The following ZNHIT6 variants were observed in gnomAD, a reference collection of about 807,000 sequenced individuals.
ZNHIT6 encodes box C/D snoRNA protein 1.
ZNHIT6 carries 45 observed loss-of-function variants against 57.2 expected under a neutral mutation model. The observed-to-expected ratio is 0.79, with a 90% CI of 0.62 to 1.01. The LOEUF (loss-of-function observed/expected upper bound fraction) is 1.01. Among genes scored for constraint, ZNHIT6 ranks in the 50% least tolerant of loss-of-function variants. ZNHIT6 has a pLI of 0.00. For missense variants in ZNHIT6, 528 were observed against 567.3 expected (o/e 0.93, Z 0.70); for synonymous variants, 188 against 190.0 (o/e 0.99, Z 0.09).
chr1:85,677,450 T>C, intron 7 of ZNHIT6, 137 bp from the exon 8 acceptor site: 1 of 588,634 alleles, frequency 1.7e-6, no homozygotes, highest in Non-Finnish European at 2.7e-6. Context: ...ATAAAGATGT[T>C]TTCTAACCAG....
intron 4 of ZNHIT6, among the ~76,000 whole-genome samples, chr1:85,704,743 CAAT>C (rs1364573315): frequency 2.0e-5 from 3 of 151,838 alleles, no homozygotes; most frequent in Non-Finnish European, 4.4e-5. Context: ...ATGTCTGTAC[CAAT>C]AATACCAATA....
intron 5 of ZNHIT6, among the ~76,000 whole-genome samples, chr1:85,701,700 A>G (rs1662533246): frequency 6.6e-6 from 1 of 152,156 alleles, no homozygotes; most frequent in Non-Finnish European, 1.5e-5. Flanking sequence ...CCCCTGAAAT[A>G]CTTTCTTGGT....
At chr1:85,674,329 CCTG>C (rs1409773843) in intron 8 of ZNHIT6, among the ~76,000 whole-genome samples, 3 of 151,552 alleles carry the variant, frequency 2.0e-5, no homozygotes, top group Non-Finnish European at 4.4e-5. Flanking sequence ...GAGACGAGGT[CCTG>C]CTATGTTTCT....
In ZNHIT6 at chr1:85,678,772, A is replaced by C; in HGVS notation, c.1098T>G (p.Asp366Glu). The C allele has an allele frequency of 6.4e-7, 1 of 1,552,378 alleles. No individual in the cohort carries two copies. The highest frequency in any genetic ancestry group is 8.8e-7 in the Non-Finnish European group (1 of 1,139,030). ...QAEYIEKRVP[D>E]DKTINEILKP... ...TTAGGATTTCATTAATAGTTTTATC[A>C]TCTGGTACTCTTTACAACAAAGAAA... Residue 366 changes from aspartate (D) to glutamate (E), a missense_variant, in exon 7 of 10, where the codon GAT (aspartate) becomes GAG (glutamate). Asp to Glu is a conservative substitution (Grantham distance 45, BLOSUM62 2). Transcript: ENST00000370574.
At chr1:85,684,553 A>T (rs79358315) in intron 5 of ZNHIT6, among the ~76,000 whole-genome samples, 4 of 151,484 alleles carry the variant, frequency 2.6e-5, no homozygotes, top group East Asian at 3.9e-4. Context: ...AGGCAATAAT[A>T]AAAAAAAAGT....
At chr1:85,677,566 T>A (rs751574385) in intron 7 of ZNHIT6, among the ~76,000 whole-genome samples, 2 of 152,236 alleles carry the variant, frequency 1.3e-5, no homozygotes, top group Non-Finnish European at 2.9e-5. Context: ...TACAAAAATG[T>A]ATCCTATTCA....
intron 8 of ZNHIT6, among the ~76,000 whole-genome samples, chr1:85,665,965 C>G (rs144809176): frequency 2.3e-3 from 351 of 152,280 alleles, no homozygotes; most frequent in African/African-American, 6.9e-3. Context: ...CTCAGGGTCT[C>G]TCAAGAAAAT....
intron 5 of ZNHIT6, among the ~76,000 whole-genome samples, chr1:85,696,703 C>T (rs1044946221): frequency 1.3e-5 from 2 of 151,938 alleles, no homozygotes; most frequent in Non-Finnish European, 2.9e-5. Context: ...ACCAAATTGC[C>T]TTCTAAAAAT....
At chr1:85,671,587 T>C (rs1455199132) in intron 8 of ZNHIT6, among the ~76,000 whole-genome samples, 1 of 152,240 alleles carries the variant, frequency 6.6e-6, no homozygotes, top group African/African-American at 2.4e-5. Context: ...CTTACGTTCA[T>C]TGAATCATTT....
At chr1:85,681,281 C>CT (rs1267709289) in intron 5 of ZNHIT6, among the ~76,000 whole-genome samples, 12 of 152,182 alleles carry the variant, frequency 7.9e-5, no homozygotes. Context: ...GTCCAGCTGG[C>CT]TGGAGATACA....
Position 85,653,912 on chromosome 1 carries a change from T to G in ZNHIT6, c.*146A>C, listed in dbSNP as rs1184206949. The G allele has an allele frequency of 1.6e-6, 1 of 637,638 alleles. No individual in the cohort carries two copies. The highest frequency in any genetic ancestry group is 2.7e-6 in the Non-Finnish European group (1 of 368,062). 39.5% of individuals were successfully genotyped at this position (637,638 alleles called of 1,614,324 possible). ...TTAATTCAAGAGGTTATAAAATACATTTTTTAAAAGAGTTAAGCTTATTTT... is the reference window on the plus strand; with the variant it reads ...TTAATTCAAGAGGTTATAAAATACAGTTTTTAAAAGAGTTAAGCTTATTTT... On this transcript the variant is annotated 3_prime_UTR_variant, in exon 10 of 10. Coordinates refer to ENST00000370574, the MANE Select transcript of ZNHIT6 (RefSeq NM_017953.4).
chr1:85,689,520 T>C (rs1662155332), intron 5 of ZNHIT6, among the ~76,000 whole-genome samples: 1 of 152,224 alleles, frequency 6.6e-6, no homozygotes, highest in Non-Finnish European at 1.5e-5. Context: ...AATAGTTATA[T>C]ATTTTTGTCC....
chr1:85,654,459 T>G (rs1216130147), intron 9 of ZNHIT6, among the ~76,000 whole-genome samples: 1 of 152,142 alleles, frequency 6.6e-6, no homozygotes, highest in East Asian at 1.9e-4. Flanking sequence ...TTTTTTAAAC[T>G]TAATTGAGGG....
chr1:85,706,402 G>C, intron 2 of ZNHIT6, 40 bp downstream of exon 2: 2 of 1,613,500 alleles, frequency 1.2e-6, no homozygotes, highest in Middle Eastern at 1.7e-4. Context: ...GGTAAGAAAG[G>C]TACAGATACA....
chr1:85,695,603 A>T (rs1179507103), intron 5 of ZNHIT6, among the ~76,000 whole-genome samples: 2 of 152,218 alleles, frequency 1.3e-5, no homozygotes, highest in African/African-American at 4.8e-5. Context: ...TCCCATGGTT[A>T]TATACTTGGA....
rs1662762092 is a variant in ZNHIT6, at chr1:85,708,408, C to G, written c.-124G>C. ...ACGTGTGGAGCCAAGCAGCCACAAA[C>G]CCGGAATAGCCTGCTTGACGCGACT... On this transcript the variant is annotated 5_prime_UTR_variant, in exon 1 of 10. Transcript: ENST00000370574. The G allele has an allele frequency of 2.4e-6, 3 of 1,225,008 alleles. No individual in the cohort carries two copies. The highest frequency in any genetic ancestry group is 4.9e-5 in the East Asian group (2 of 40,902). The allele number at this position is 1,225,008 out of a possible 1,614,324, so 75.9% of individuals were successfully genotyped here.
At chr1:85,688,044 A>C (rs953175511) in intron 5 of ZNHIT6, among the ~76,000 whole-genome samples, 6 of 151,104 alleles carry the variant, frequency 4.0e-5, no homozygotes, top group Non-Finnish European at 3.0e-5. Flanking sequence ...TCCGTCTCAA[A>C]AAAAAAAAAA....
intron 8 of ZNHIT6, among the ~76,000 whole-genome samples, chr1:85,668,144 T>C (rs1661440722): frequency 6.6e-6 from 1 of 151,146 alleles, no homozygotes; most frequent in Non-Finnish European, 1.5e-5. Flanking sequence ...CCTTTACGTT[T>C]TAAATAATAA....
intron 4 of ZNHIT6, among the ~76,000 whole-genome samples, chr1:85,705,473 C>A (rs1662661664): frequency 6.6e-6 from 1 of 152,152 alleles, no homozygotes; most frequent in Non-Finnish European, 1.5e-5. Flanking sequence ...GCCTCAGCCT[C>A]CCAAAGTGTT....
Sources: allele counts gnomAD v4.1 joint callset (sites outside exome capture counted in the v4.1 genomes callset), GRCh38; gene constraint gnomAD v4.1.1; transcripts MANE v1.5; gene names NCBI Gene and HGNC (gene_info 2026-07-23, HGNC 2026-07-21).